Variants in AHCY observed in about 807,000 individuals in gnomAD.
The protein encoded by AHCY is adenosylhomocysteinase.
A neutral mutation model predicts 45.4 loss-of-function variants in AHCY; 24 were observed. The observed-to-expected ratio is 0.53, with a 90% CI of 0.38 to 0.74. AHCY has a LOEUF of 0.74. AHCY is among the 30% of genes least tolerant of loss of function. AHCY has a pLI of 0.00. For synonymous variants in AHCY, 245 were observed against 235.1 expected, an observed-to-expected ratio of 1.04 and a Z score of -0.39; for missense variants, 449 against 594.1, an observed-to-expected ratio of 0.76 and a Z score of 2.54.
chr20:34,305,910 T>C (rs936107360), upstream of AHCY, among the ~76,000 whole-genome samples: 4 of 151,942 alleles, frequency 2.6e-5, no homozygotes, highest in African/African-American at 9.7e-5. Context: ...AGTGAAACCC[T>C]GTATCTACTA....
rs768991969 is a variant in AHCY, at chr20:34,290,440, C to T, written c.864G>A (p.Glu288=). The part of the protein sequence containing the change: ...CIDIILGRHF[E]QMKDDAIVCN... ...ACACAATGGCATCATCCTTCATCTGCTCAAAGTGCCTGTCAGGCAGCCCAA... is the reference window on the plus strand; with the variant it reads ...ACACAATGGCATCATCCTTCATCTGTTCAAAGTGCCTGTCAGGCAGCCCAA... Residue 288 remains glutamate (E), a synonymous_variant, in exon 8 of 10, where the codon GAG becomes GAA. Transcript: ENST00000217426. This position sits in a 1 kb window ranked among gnomAD's most constrained non-coding sequence, Gnocchi z 4.5. 3 of 1,614,240 alleles carry T rather than the reference C, an allele frequency of 1.9e-6. No homozygotes were observed. Among genetic ancestry groups the T allele is most frequent in the Non-Finnish European group, 2.5e-6 (3 of 1,180,042 alleles).
the AHCY span, among the ~76,000 whole-genome samples, chr20:34,252,851 G>A: frequency 6.6e-6 from 1 of 152,168 alleles, no homozygotes; most frequent in Non-Finnish European, 1.5e-5. Context: ...CTGGTTAATC[G>A]AGAATGGAGA....
At chr20:34,299,076 T>C (rs1474067359) in intron 1 of AHCY, among the ~76,000 whole-genome samples, 1 of 152,162 alleles carries the variant, frequency 6.6e-6, no homozygotes, top group South Asian at 2.1e-4. Flanking sequence ...GCATTGATGG[T>C]AGTGGTCCCC....
the AHCY span, chr20:34,260,356 C>A: frequency 1.2e-6 from 2 of 1,610,558 alleles, no homozygotes; most frequent in South Asian, 1.1e-5. Flanking sequence ...CCTTCTCTGT[C>A]CCACTCAGGC....
the AHCY span, among the ~76,000 whole-genome samples, chr20:34,266,694 C>T: frequency 6.6e-6 from 1 of 151,988 alleles, no homozygotes; most frequent in Non-Finnish European, 1.5e-5. Flanking sequence ...AACAAACAAA[C>T]AAAAAAGGCA....
Position 34,295,421 on chromosome 20 carries a change from C to T in AHCY, c.193G>A (p.Glu65Lys), listed in dbSNP as rs763287673. The T allele has an allele frequency of 3.7e-6, 6 of 1,614,036 alleles. No individual in the cohort carries two copies. In the South Asian group the frequency reaches 5.5e-5, roughly 15 times the overall value. Residue 65 changes from glutamate to lysine, a missense_variant, in exon 2 of 10, where the codon GAG (glutamate) becomes AAG (lysine). Physicochemically the swap from Glu to Lys is moderately conservative, Grantham distance 56. Transcript: ENST00000217426. ...TCAGCACCCAGGGTGACGAGGGTCT[C>T]AATGAGGACGGCCGTCTCCACGGTC... The part of the protein sequence containing the change: ...HMTVETAVLI[E>K]TLVTLGAEVQ...
At chr20:34,243,876 A>G in the AHCY span, among the ~76,000 whole-genome samples, 1 of 152,108 alleles carries the variant, frequency 6.6e-6, no homozygotes, top group Admixed American at 6.5e-5. Flanking sequence ...CATCCTGGCT[A>G]ACACGATGAA....
chr20:34,290,659 T>A lies in AHCY; in HGVS notation c.767-21A>T. 1 of 1,613,232 alleles carries A rather than the reference T, an allele frequency of 6.2e-7. No individual in the cohort carries two copies. Among genetic ancestry groups the A allele is most frequent in the South Asian group, 1.1e-5 (1 of 91,068 alleles). On this transcript the variant is annotated intron_variant, in intron 6 of 9. Transcript: ENST00000217426. This position sits in a 1 kb window ranked among gnomAD's most constrained non-coding sequence, Gnocchi z 4.5. Reference sequence around the variant, plus strand: ...ATAGCCTGTGCAGAGACAGTGGCTGTGGGTCATCTACGGTGGCCTTGCCCC... The same window carrying A: ...ATAGCCTGTGCAGAGACAGTGGCTGAGGGTCATCTACGGTGGCCTTGCCCC...
intron 1 of AHCY, among the ~76,000 whole-genome samples, chr20:34,299,309 T>C (rs2036692052): frequency 6.6e-6 from 1 of 152,190 alleles, no homozygotes; most frequent in South Asian, 2.1e-4. Context: ...CCATACCTGA[T>C]GCAAAATTAC....
At position 34,281,042 on chromosome 20, in the gene AHCY, G is replaced by A. The variant is rs750115128; in HGVS notation, c.1291C>T (p.Arg431Cys). 9.9e-6 allele frequency: 16 copies of A among 1,614,134 alleles called. No individual in the cohort carries two copies. The highest frequency in any genetic ancestry group is 8.3e-5 in the Admixed American group (5 of 60,014). The change falls in exon 10 of 10, where the codon CGC (arginine) becomes TGC (cysteine). Residue 431 changes from arginine to cysteine, a missense_variant. Arg to Cys is a radical substitution (Grantham distance 180). Coordinates refer to ENST00000217426, the MANE Select transcript of AHCY (RefSeq NM_000687.4). The stretch of plus-strand genomic sequence containing the variant: ...AAACGCAGACCTGGCTCTCAGTAGC[G>A]GTAGTGATCCGGCTTGAAGGGGCCA... ...CDGPFKPDHY[R>C]Y is the part of the protein sequence containing the mutation.
the AHCY span, among the ~76,000 whole-genome samples, chr20:34,261,590 T>C: frequency 1.3e-5 from 2 of 151,640 alleles, no homozygotes; most frequent in African/African-American, 2.4e-5. Context: ...GCCATGATTG[T>C]GCCACTGCAC....
the AHCY span, chr20:34,246,133 A>C: frequency 1.0e-6 from 1 of 957,574 alleles, no homozygotes; most frequent in African/African-American, 1.6e-5. Context: ...GATCAATTTC[A>C]AAAGTTGCAA....
chr20:34,294,518 GC>G (rs2036508191), intron 2 of AHCY, among the ~76,000 whole-genome samples: 2 of 152,144 alleles, frequency 1.3e-5, no homozygotes, highest in Admixed American at 6.5e-5. Flanking sequence ...GACAGGATTT[GC>G]AGAGGGATGA....
At chr20:34,272,517 T>C in the AHCY span, among the ~76,000 whole-genome samples, 1 of 152,190 alleles carries the variant, frequency 6.6e-6, no homozygotes, top group Non-Finnish European at 1.5e-5. Context: ...TCTAGAACTT[T>C]TGACAACTGG....
rs2036390832 is a variant in AHCY at position 34,291,440 on chromosome 20, A to G, written c.537T>C (p.Asn179=). The change falls in exon 5 of 10, where the codon AAT becomes AAC. Residue 179 remains asparagine, a synonymous_variant. Coordinates refer to ENST00000217426, the MANE Select transcript of AHCY (RefSeq NM_000687.4). The part of the protein sequence containing the change: ...ANGILKVPAI[N]VNDSVTKSKF... ...TCACCTTGGTGACGGAGTCATTGACATTGATGGCAGGCACCTTGAGGATCC... is the reference window on the plus strand; with the variant it reads ...TCACCTTGGTGACGGAGTCATTGACGTTGATGGCAGGCACCTTGAGGATCC... 4 of 1,614,112 alleles carry G rather than the reference A, an allele frequency of 2.5e-6. No individual in the cohort carries two copies. Among genetic ancestry groups the G allele is most frequent in the Non-Finnish European group, 3.4e-6 (4 of 1,180,018 alleles).
chr20:34,266,962 G>A, the AHCY span, among the ~76,000 whole-genome samples: 1 of 152,218 alleles, frequency 6.6e-6, no homozygotes, highest in East Asian at 1.9e-4. Flanking sequence ...CCAAAGCAAG[G>A]AGCACTGGAT....
At chr20:34,274,639 A>G in the AHCY span, among the ~76,000 whole-genome samples, 1 of 152,124 alleles carries the variant, frequency 6.6e-6, no homozygotes, top group Non-Finnish European at 1.5e-5. Context: ...GGTACAGGAT[A>G]GGGCACTGAT....
intron 1 of AHCY, among the ~76,000 whole-genome samples, chr20:34,298,972 T>C (rs1157343930): frequency 6.6e-6 from 1 of 152,088 alleles, no homozygotes; most frequent in African/African-American, 2.4e-5. Flanking sequence ...TACCTATCCT[T>C]GGAGGTGACT....
At chr20:34,256,269 A>G in the AHCY span, among the ~76,000 whole-genome samples, 1 of 152,104 alleles carries the variant, frequency 6.6e-6, no homozygotes, top group Non-Finnish European at 1.5e-5. Flanking sequence ...CTTGTCTTGT[A>G]TCCAATAAAT....
Sources: gnomAD v4.1 joint callset for allele counts (sites outside exome capture counted in the v4.1 genomes callset) on GRCh38, gnomAD v4.1.1 for gene constraint, Gnocchi (gnomAD v3.1) non-coding constraint, MANE v1.5 for transcripts, NCBI Gene and HGNC (gene_info 2026-07-23, HGNC 2026-07-21) for gene names.